The following LHFPL2 variants were observed in gnomAD, a reference collection of about 807,000 sequenced individuals.
LHFPL2 encodes the protein LHFPL tetraspan subfamily member 2 protein.
Under a neutral mutation model 17.5 loss-of-function variants are expected in LHFPL2, and 7 were observed. The observed-to-expected ratio is 0.40, with a 90% CI of 0.23 to 0.75. LHFPL2 has a LOEUF of 0.75. Among genes scored for constraint, LHFPL2 ranks in the 30% least tolerant of loss-of-function variants. The pLI is 0.37. For missense variants in LHFPL2, 241 were observed against 294.8 expected, an observed-to-expected ratio of 0.82 and a Z score of 1.34; for synonymous variants, 134 against 116.2, an observed-to-expected ratio of 1.15 and a Z score of -0.99.
rs184108912 is a variant in LHFPL2 at position 78,567,892 on chromosome 5, G to C, written c.-244-3021C>G. Among the ~76,000 whole-genome samples the C allele has an allele frequency of 2.3e-4, 35 of 152,284 alleles. No individual in the cohort carries two copies. In the East Asian group the frequency reaches 6.0e-3, roughly 26 times the overall value. Reference sequence around the variant, plus strand: ...AAGGCACACAGCTAGTCAGTAACAGGGGTCAAGAACTGCTAGGGGCACCTA... The same window carrying C: ...AAGGCACACAGCTAGTCAGTAACAGCGGTCAAGAACTGCTAGGGGCACCTA... On this transcript the variant is annotated intron_variant, in intron 2 of 4. Coordinates refer to ENST00000380345, the MANE Select transcript of LHFPL2 (RefSeq NM_005779.3).
chr5:78,563,122 A>G (rs1756773245), intron 3 of LHFPL2, among the ~76,000 whole-genome samples: 1 of 152,240 alleles, frequency 6.6e-6, no homozygotes, highest in Admixed American at 6.5e-5. Flanking sequence ...TCCAATGAGA[A>G]TATCTACAGT....
intron 2 of LHFPL2, among the ~76,000 whole-genome samples, chr5:78,584,136 G>C (rs1464616761): frequency 6.7e-6 from 1 of 149,768 alleles, no homozygotes; most frequent in East Asian, 2.0e-4. Flanking sequence ...AGCTCCATCA[G>C]CTCCTTTAAG....
intron 1 of LHFPL2, among the ~76,000 whole-genome samples, chr5:78,639,634 T>TAA (rs33917049): frequency 1.3e-5 from 2 of 150,688 alleles, no homozygotes; most frequent in Non-Finnish European, 3.0e-5. Context: ...TTGGCCATTT[T>TAA]AAAAAAAAAA....
intron 4 of LHFPL2, among the ~76,000 whole-genome samples, chr5:78,490,119 C>CTAA (rs1331534128): frequency 6.6e-6 from 1 of 152,226 alleles, no homozygotes; most frequent in Admixed American, 6.5e-5. Flanking sequence ...AGAGTGGACA[C>CTAA]TAATAAGCTT....
intron 3 of LHFPL2, among the ~76,000 whole-genome samples, chr5:78,541,961 A>G (rs925937065): frequency 6.6e-6 from 1 of 152,160 alleles, no homozygotes; most frequent in Admixed American, 6.5e-5. Flanking sequence ...ATATCTTTCT[A>G]TGGTGGAAAT....
At chr5:78,585,389 CCTTT>C (rs1010988462) in intron 2 of LHFPL2, among the ~76,000 whole-genome samples, 2 of 151,796 alleles carry the variant, frequency 1.3e-5, no homozygotes, top group African/African-American at 4.8e-5. Context: ...GTCTGTCACC[CCTTT>C]CTTTGACTAG....
chr5:78,568,211 T>C (rs1246702335), intron 2 of LHFPL2, among the ~76,000 whole-genome samples: 11 of 152,238 alleles, frequency 7.2e-5, no homozygotes, highest in Non-Finnish European at 1.2e-4. Context: ...TGTATATATG[T>C]ATATTATTAA....
rs192920942 is a variant in LHFPL2, at chr5:78,493,103, A to T, written c.431-3950T>A. Among the ~76,000 whole-genome samples the T allele has an allele frequency of 9.6e-4, 146 of 152,346 alleles. 1 individual carries two copies. Among genetic ancestry groups the T allele is most frequent in the South Asian group, 3.9e-3 (19 of 4,834 alleles). On this transcript the variant is annotated intron_variant, in intron 4 of 4. Transcript: ENST00000380345. ...CAGGTAAGCAAAAATAAATTTTTTT[A>T]AAAAATCTTATTTATCATTTCTTTG...
intron 2 of LHFPL2, among the ~76,000 whole-genome samples, chr5:78,614,014 T>G (rs900121717): frequency 6.6e-6 from 1 of 152,212 alleles, no homozygotes; most frequent in Non-Finnish European, 1.5e-5. Context: ...CAATACTGTC[T>G]TGTCTTGGTC....
chr5:78,510,318 T>C lies in LHFPL2; in HGVS notation c.-105A>G. 2 of 1,151,020 alleles carry C rather than the reference T, an allele frequency of 1.7e-6. No individual in the cohort carries two copies. Among genetic ancestry groups the C allele is most frequent in the Non-Finnish European group, 2.4e-6 (2 of 826,304 alleles). 71.3% of individuals were successfully genotyped at this position (1,151,020 alleles called of 1,614,324 possible). A position where few individuals can be genotyped will look rare whatever the true frequency, so the allele number is the denominator to read the frequency against. On this transcript the variant is annotated 5_prime_UTR_variant, in exon 4 of 5. Transcript: ENST00000380345. Reference sequence around the variant, plus strand: ...GGCGGCCCGGGAAGGAAGTCGCAGCTGCAGTCATTCACTCCCGCCGCCGGC... The same window carrying C: ...GGCGGCCCGGGAAGGAAGTCGCAGCCGCAGTCATTCACTCCCGCCGCCGGC...
intron 2 of LHFPL2, among the ~76,000 whole-genome samples, chr5:78,575,982 CTG>C (rs1296005178): frequency 1.3e-5 from 2 of 152,206 alleles, no homozygotes; most frequent in Non-Finnish European, 2.9e-5. Context: ...GGATGAGCCA[CTG>C]TGCCCAGCCA....
chr5:78,636,148 C>T (rs979839177), intron 1 of LHFPL2, among the ~76,000 whole-genome samples: 2 of 152,192 alleles, frequency 1.3e-5, no homozygotes, highest in Admixed American at 1.3e-4. Context: ...CTGCCTCCTG[C>T]TCTGCCCTCC....
At chr5:78,634,558 C>T (rs1041528232) in intron 1 of LHFPL2, among the ~76,000 whole-genome samples, 10 of 152,222 alleles carry the variant, frequency 6.6e-5, no homozygotes, top group Admixed American at 5.2e-4. Flanking sequence ...TAGCCCTCAA[C>T]GATCATGGCT....
intron 4 of LHFPL2, among the ~76,000 whole-genome samples, chr5:78,490,153 T>C (rs1247535543): frequency 1.3e-5 from 2 of 152,370 alleles, no homozygotes; most frequent in East Asian, 3.9e-4. Context: ...CTGACCCTAC[T>C]ACCTTGTCAT....
chr5:78,623,511 T>C (rs1290840244), intron 2 of LHFPL2, among the ~76,000 whole-genome samples: 1 of 152,354 alleles, frequency 6.6e-6, no homozygotes, highest in Non-Finnish European at 1.5e-5. Flanking sequence ...CTATGTCACA[T>C]GCAATAAGTA....
intron 4 of LHFPL2, among the ~76,000 whole-genome samples, chr5:78,489,917 C>A (rs56373295): frequency 0.24 from 37,071 of 152,002 alleles, 4,973 homozygotes; most frequent in East Asian, 0.56. Flanking sequence ...TTTGCCAACT[C>A]CTGGTCTAAG....
At chr5:78,490,267 C>T (rs897015536) in intron 4 of LHFPL2, among the ~76,000 whole-genome samples, 5 of 152,140 alleles carry the variant, frequency 3.3e-5, no homozygotes, top group Admixed American at 2.0e-4. Context: ...AGAGCTAGGA[C>T]TAGGGTGAGC....
At chr5:78,557,303 T>C (rs961332372) in intron 3 of LHFPL2, among the ~76,000 whole-genome samples, 4 of 152,190 alleles carry the variant, frequency 2.6e-5, no homozygotes, top group African/African-American at 9.7e-5. Flanking sequence ...TGCCTGCCAG[T>C]TTCCAGATGA....
intron 2 of LHFPL2, among the ~76,000 whole-genome samples, chr5:78,586,972 T>C (rs1025345122): frequency 1.3e-5 from 2 of 152,252 alleles, no homozygotes; most frequent in African/African-American, 4.8e-5. Flanking sequence ...ACTTCTTTAT[T>C]TGAGGTGTGG....
Sources: allele counts gnomAD v4.1 joint callset (sites outside exome capture counted in the v4.1 genomes callset), GRCh38; gene constraint gnomAD v4.1.1; transcripts MANE v1.5; gene names NCBI Gene and HGNC (gene_info 2026-07-23, HGNC 2026-07-21).